Variants in NREP observed in about 807,000 individuals in gnomAD.
NREP encodes neuronal regeneration-related protein.
In NREP, 5 loss-of-function variants were observed where a neutral mutation model predicts 8.6. The observed-to-expected ratio is 0.58, with a 90% CI of 0.30 to 1.22. The LOEUF is 1.22. NREP is among the 50% of genes most tolerant of loss of function. The probability of loss-of-function intolerance (pLI) is 0.07; values close to 1 mark genes in which losing one functional copy is unlikely to be tolerated. For synonymous variants in NREP, 27 were observed against 28.0 expected (o/e 0.96, Z 0.11); for missense variants, 86 against 82.5 (o/e 1.04, Z -0.17).
chr5:111,782,056 C>T (rs754049431), intron 2 of NREP, among the ~76,000 whole-genome samples: 20 of 152,114 alleles, frequency 1.3e-4, no homozygotes, highest in Non-Finnish European at 2.4e-4. Flanking sequence ...AGCTTTGTGT[C>T]TGGTACAAAA....
intron 2 of NREP, among the ~76,000 whole-genome samples, chr5:111,880,583 A>G (rs1000693641): frequency 7.2e-5 from 11 of 152,128 alleles, no homozygotes; most frequent in African/African-American, 2.7e-4. Context: ...GTCATATTGG[A>G]TTAGGGACCA....
chr5:111,976,830 G>C, exon 1 of NREP: 1 of 965,204 alleles, frequency 1.0e-6, no homozygotes, highest in Non-Finnish European at 1.6e-6. Context: ...TCAGGACACA[G>C]CTCTGCAGCC....
chr5:111,831,988 C>T (rs191870073), intron 2 of NREP, among the ~76,000 whole-genome samples: 2 of 152,108 alleles, frequency 1.3e-5, no homozygotes, highest in Non-Finnish European at 2.9e-5. Flanking sequence ...CAAAGGGTCT[C>T]TATGAGTGTT....
At chr5:111,785,124 C>T (rs1000906025) in intron 2 of NREP, among the ~76,000 whole-genome samples, 5 of 152,162 alleles carry the variant, frequency 3.3e-5, no homozygotes, top group East Asian at 1.9e-4. Context: ...GTCTTCCAAG[C>T]GCCAATCCAT....
chr5:111,871,570 A>C (rs1005924075), intron 2 of NREP, among the ~76,000 whole-genome samples: 4 of 152,104 alleles, frequency 2.6e-5, no homozygotes, highest in African/African-American at 9.7e-5. Flanking sequence ...TTGTAAACCT[A>C]ATTTTAACTT....
chr5:111,750,110 G>GT (rs1750260963), intron 2 of NREP, among the ~76,000 whole-genome samples: 1 of 152,166 alleles, frequency 6.6e-6, no homozygotes, highest in African/African-American at 2.4e-5. Flanking sequence ...TCTAGGTCTA[G>GT]TTTTTGAGGT....
chr5:111,967,771 C>T (rs1167899189), intron 2 of NREP, among the ~76,000 whole-genome samples: 1 of 152,044 alleles, frequency 6.6e-6, no homozygotes, highest in African/African-American at 2.4e-5. Context: ...TCTGTCTTCC[C>T]CAACTTGTAA....
chr5:111,908,177 AAT>A (rs3985066), intron 2 of NREP, among the ~76,000 whole-genome samples: 91,536 of 151,568 alleles, frequency 0.6, 28,036 homozygotes, highest in Non-Finnish European at 0.65. Context: ...CTATTTATTT[AAT>A]AGTTTCTTTA....
chr5:111,869,069 C>T (rs914931908), intron 2 of NREP, among the ~76,000 whole-genome samples: 13 of 152,274 alleles, frequency 8.5e-5, no homozygotes, highest in East Asian at 5.8e-4. Flanking sequence ...GTAAGAAATA[C>T]GTGGGAGCCA....
chr5:111,741,364 G>T (rs75493175), intron 2 of NREP, among the ~76,000 whole-genome samples: 1 of 152,124 alleles, frequency 6.6e-6, no homozygotes, highest in Non-Finnish European at 1.5e-5. Flanking sequence ...GAATTCATGC[G>T]CATATACATA....
At chr5:111,910,625 G>C (rs77153264) in intron 2 of NREP, among the ~76,000 whole-genome samples, 2 of 151,996 alleles carry the variant, frequency 1.3e-5, no homozygotes, top group Non-Finnish European at 2.9e-5. Flanking sequence ...ATGGGTTTAG[G>C]CATGAAGATT....
At chr5:111,873,369 C>T (rs894055087) in intron 2 of NREP, among the ~76,000 whole-genome samples, 2 of 152,120 alleles carry the variant, frequency 1.3e-5, no homozygotes, top group African/African-American at 4.8e-5. Context: ...GGCCAGAAGT[C>T]CAATGTGGGT....
chr5:111,784,250 G>A (rs892666173), intron 2 of NREP, among the ~76,000 whole-genome samples: 1 of 152,114 alleles, frequency 6.6e-6, no homozygotes, highest in Non-Finnish European at 1.5e-5. Context: ...CCCATAGGTG[G>A]TATGTTTAGT....
At chr5:111,791,355 C>T (rs558886493) in intron 2 of NREP, among the ~76,000 whole-genome samples, 1 of 152,194 alleles carries the variant, frequency 6.6e-6, no homozygotes, top group Non-Finnish European at 1.5e-5. Flanking sequence ...TGACCAACAT[C>T]TCCCCAGTCC....
chr5:111,798,421 A>T (rs566526526), intron 2 of NREP, among the ~76,000 whole-genome samples: 87 of 152,116 alleles, frequency 5.7e-4, no homozygotes, highest in African/African-American at 2.0e-3. Context: ...ATTTGGTTAC[A>T]TAAGTTCTTT....
intron 2 of NREP, among the ~76,000 whole-genome samples, chr5:111,867,218 A>G (rs1374208705): frequency 6.6e-6 from 1 of 152,136 alleles, no homozygotes; most frequent in Admixed American, 6.6e-5. Context: ...ACAAAATACC[A>G]TAGACTGAGT....
upstream of NREP, chr5:111,757,675 AC>A: frequency 1.0e-6 from 1 of 983,218 alleles, no homozygotes; most frequent in Non-Finnish European, 1.2e-6. Context: ...TCCCCACTGC[AC>A]CGCGCGGCGC....
chr5:111,770,365 A>G (rs1751188153), intron 2 of NREP, among the ~76,000 whole-genome samples: 1 of 152,148 alleles, frequency 6.6e-6, no homozygotes, highest in Non-Finnish European at 1.5e-5. Flanking sequence ...AAAGGAAACT[A>G]TAATTTCTCT....
chr5:111,763,627 A>T (rs1264701620), intron 2 of NREP, among the ~76,000 whole-genome samples: 2 of 152,266 alleles, frequency 1.3e-5, no homozygotes, highest in African/African-American at 4.8e-5. Context: ...AACACATTTT[A>T]AAATTATCCT....
Sources: gnomAD v4.1 joint callset for allele counts (sites outside exome capture counted in the v4.1 genomes callset) on GRCh38, gnomAD v4.1.1 for gene constraint, MANE v1.5 for transcripts, NCBI Gene and HGNC (gene_info 2026-07-23, HGNC 2026-07-21) for gene names.